The following GLI2 variants were observed in gnomAD, a reference collection of about 807,000 sequenced individuals.
The protein encoded by GLI2 is transcription activator GLI2.
In GLI2, 22 loss-of-function variants were observed where a neutral mutation model predicts 78.9. That is an observed-to-expected ratio of 0.28 (90% CI 0.20 to 0.40). The LOEUF (loss-of-function observed/expected upper bound fraction) is 0.40. Ranked by LOEUF, GLI2 falls within the 10% of genes least tolerant of loss-of-function variation. The pLI is 1.00. For missense variants in GLI2, 2,097 were observed against 2,213.2 expected (o/e 0.95, Z 1.05); for synonymous variants, 974 against 963.7 (o/e 1.01, Z -0.20).
Position 120,989,536 on chromosome 2 carries a change from CGCA to C in GLI2, c.3574_3576del (p.Ser1192del), listed in dbSNP as rs914427406. ...CAGCACGCAGCCACACCTGCAGCCCCGCAGCGGAGCCCCCTCCCAGGGCATCCC... is the reference window on the plus strand; with the variant it reads ...CAGCACGCAGCCACACCTGCAGCCCCGCGGAGCCCCCTCCCAGGGCATCCC... On this transcript the variant is annotated inframe_deletion, in exon 14 of 14. Transcript: ENST00000361492. 3.1e-6 allele frequency: 5 copies of C among 1,612,424 alleles called. No individual in the cohort carries two copies. The African/African-American group carries it at 6.7e-5, about 21-fold the overall frequency.
At chr2:120,973,894 C>G (rs1035135051) in intron 8 of GLI2, among the ~76,000 whole-genome samples, 9 of 152,132 alleles carry the variant, frequency 5.9e-5, no homozygotes, top group African/African-American at 2.2e-4. Context: ...TAATTTCTTC[C>G]ATTCCCAGAA....
intron 3 of GLI2, among the ~76,000 whole-genome samples, chr2:120,945,741 T>C (rs1027445952): frequency 6.6e-6 from 1 of 152,096 alleles, no homozygotes; most frequent in African/African-American, 2.4e-5. Context: ...CAGCAACCCT[T>C]GCGGACAGAG....
At position 120,879,040 on chromosome 2, in the gene GLI2, G is replaced by T. The variant is rs551283920; in HGVS notation, c.149-48321G>T. ...TCAGTCTGCGAGCATGGAGAGGATA[G>T]TGTGTGTCTCCTCCGGCATTGCCCC... On this transcript the variant is annotated intron_variant, in intron 2 of 13. Coordinates refer to ENST00000361492, the MANE Select transcript of GLI2 (RefSeq NM_001374353.1). Among the ~76,000 whole-genome samples the T allele has an allele frequency of 8.6e-4, 131 of 152,316 alleles. 1 individual carries two copies. The highest frequency in any genetic ancestry group is 3.1e-3 in the African/African-American group (127 of 41,574).
chr2:120,830,343 C>A (rs1223828352), intron 2 of GLI2, among the ~76,000 whole-genome samples: 1 of 152,238 alleles, frequency 6.6e-6, no homozygotes, highest in Admixed American at 6.5e-5. Flanking sequence ...GGGCATAGTG[C>A]CTGGCACATA....
chr2:120,907,153 CTCT>C (rs1678574000), intron 2 of GLI2, among the ~76,000 whole-genome samples: 2 of 152,194 alleles, frequency 1.3e-5, no homozygotes, highest in African/African-American at 4.8e-5. Flanking sequence ...GCCGCTGATG[CTCT>C]GACCACACAG....
intron 12 of GLI2, 46 bp from the exon 13 acceptor site, chr2:120,986,232 A>C: frequency 1.3e-6 from 2 of 1,561,808 alleles, no homozygotes; most frequent in South Asian, 2.2e-5. Context: ...ACCAGGTGGA[A>C]TCTGATACCC....
intron 9 of GLI2, among the ~76,000 whole-genome samples, chr2:120,975,953 T>G (rs1248215033): frequency 1.3e-5 from 2 of 152,172 alleles, no homozygotes; most frequent in African/African-American, 4.8e-5. Flanking sequence ...TTGTCAGCAC[T>G]TAGTGCCTTG....
chr2:120,895,155 G>C (rs766421531), intron 2 of GLI2, among the ~76,000 whole-genome samples: 1 of 152,244 alleles, frequency 6.6e-6, no homozygotes, highest in Non-Finnish European at 1.5e-5. Context: ...GCTTCCCTCT[G>C]TGTCAGCCTT....
intron 2 of GLI2, among the ~76,000 whole-genome samples, chr2:120,897,099 A>G (rs371021084): frequency 6.6e-6 from 1 of 152,176 alleles, no homozygotes; most frequent in Admixed American, 6.5e-5. Context: ...CTGCGGGCAC[A>G]TGCCTCTCCC....
chr2:120,988,236 T>C lies in GLI2; in HGVS notation c.2271T>C (p.Ser757=), dbSNP rs553560055. ...SGSILENFSG[S]GGGGPAGLLP... ...CCATCCTGGAAAACTTCAGTGGCAG[T>C]GGGGGCGGCGGGCCCGCGGGGCTGC... Residue 757 remains serine, a synonymous_variant, in exon 14 of 14, where the codon AGT becomes AGC. Coordinates refer to ENST00000361492, the MANE Select transcript of GLI2 (RefSeq NM_001374353.1). 6.6e-5 allele frequency: 105 copies of C among 1,586,978 alleles called. No individual in the cohort carries two copies. In the African/African-American group the frequency reaches 1.3e-3, roughly 20 times the overall value.
At chr2:120,742,991 G>A (rs1348530718) in intron 1 of GLI2, among the ~76,000 whole-genome samples, 2 of 152,212 alleles carry the variant, frequency 1.3e-5, no homozygotes, top group African/African-American at 4.8e-5. Context: ...TATTTGCAGT[G>A]CAGCAACCCT....
intron 2 of GLI2, among the ~76,000 whole-genome samples, chr2:120,799,173 T>A (rs1684563032): frequency 6.6e-6 from 1 of 152,222 alleles, no homozygotes; most frequent in Non-Finnish European, 1.5e-5. Context: ...ATTCTCAATC[T>A]GTGGCGGGAG....
intron 1 of GLI2, among the ~76,000 whole-genome samples, chr2:120,740,619 G>A (rs1226668819): frequency 2.0e-5 from 3 of 152,170 alleles, no homozygotes; most frequent in Non-Finnish European, 2.9e-5. Flanking sequence ...CCCCGAGCTC[G>A]TCATCTGCCT....
chr2:120,989,505 C>T lies in GLI2; in HGVS notation c.3540C>T (p.Gly1180=). The part of the protein sequence containing the change: ...SPQGLQASPG[G]LDSTQPHLQP... The stretch of plus-strand genomic sequence containing the variant: ...AAGGCCTACAGGCTAGCCCTGGGGG[C>T]CTGGACAGCACGCAGCCACACCTGC... Residue 1180 remains glycine (G), a synonymous_variant, in exon 14 of 14, where the codon GGC becomes GGT. Coordinates refer to ENST00000361492, the MANE Select transcript of GLI2 (RefSeq NM_001374353.1). 6.2e-7 allele frequency: 1 copy of T among 1,612,088 alleles called. No homozygotes were observed. The highest frequency in any genetic ancestry group is 8.5e-7 in the Non-Finnish European group (1 of 1,179,664).
At chr2:120,924,027 A>G (rs1396645608) in intron 2 of GLI2, among the ~76,000 whole-genome samples, 7 of 152,190 alleles carry the variant, frequency 4.6e-5, no homozygotes, top group Non-Finnish European at 7.3e-5. Flanking sequence ...AGAGCATGTC[A>G]GCTCATAGCT....
At chr2:120,846,886 G>A (rs912306834) in intron 2 of GLI2, among the ~76,000 whole-genome samples, 3 of 152,244 alleles carry the variant, frequency 2.0e-5, no homozygotes, top group African/African-American at 7.2e-5. Flanking sequence ...CTTCAGCCCA[G>A]GCCTTGCACA....
intron 9 of GLI2, among the ~76,000 whole-genome samples, chr2:120,976,971 T>A (rs1368425752): frequency 6.6e-6 from 1 of 152,260 alleles, no homozygotes; most frequent in African/African-American, 2.4e-5. Context: ...GAAGCATTTT[T>A]ATCATTTGAA....
chr2:120,955,292 C>T lies in GLI2; in HGVS notation c.505C>T (p.Pro169Ser). 6.2e-7 allele frequency: 1 copy of T among 1,612,798 alleles called. No individual in the cohort carries two copies. Among genetic ancestry groups the T allele is most frequent in the Non-Finnish European group, 8.5e-7 (1 of 1,179,086 alleles). ...GAGGGGACTGTTTGGCCTTCCTGCT[C>T]CAGGCACCACCCCCTCAGACTATTA... is the stretch of plus-strand genomic sequence containing the variant. ...KERGLFGLPA[P>S]GTTPSDYYHQ... Residue 169 changes from proline to serine, a missense_variant, in exon 5 of 14, where the codon CCA becomes TCA. By Grantham distance (74) the Pro-to-Ser change is moderately conservative (BLOSUM62 -1). Transcript: ENST00000361492.
chr2:120,846,899 G>A (rs1245266228), intron 2 of GLI2, among the ~76,000 whole-genome samples: 2 of 152,244 alleles, frequency 1.3e-5, no homozygotes, highest in Non-Finnish European at 2.9e-5. Context: ...CTTGCACAGC[G>A]CGGGCACCGC....
Sources: allele counts gnomAD v4.1 joint callset (sites outside exome capture counted in the v4.1 genomes callset), GRCh38; gene constraint gnomAD v4.1.1; transcripts MANE v1.5; gene names NCBI Gene and HGNC (gene_info 2026-07-23, HGNC 2026-07-21).